The following SUGP2 variants were observed in gnomAD, a reference collection of about 807,000 sequenced individuals.
The protein encoded by SUGP2 is SURP and G-patch domain containing 2, also known as SURP and G-patch domain-containing protein 2.
A neutral mutation model predicts 90.5 loss-of-function variants in SUGP2; 24 were observed. That is an observed-to-expected ratio of 0.27 (90% confidence interval 0.19 to 0.37). SUGP2 has a LOEUF of 0.37. Among genes scored for constraint, SUGP2 ranks in the 10% least tolerant of loss-of-function variants. The pLI is 1.00. For synonymous variants in SUGP2, 473 were observed against 513.4 expected (o/e 0.92, Z 1.06); for missense variants, 1,233 against 1,363.3 (o/e 0.90, Z 1.51).
At chr19:18,996,429 T>A (rs987014383) in intron 8 of SUGP2, among the ~76,000 whole-genome samples, 5 of 150,700 alleles carry the variant, frequency 3.3e-5, no homozygotes, top group African/African-American at 1.0e-4. Context: ...GTGTGTGTTT[T>A]TTTTAAATAT....
Position 18,993,498 on chromosome 19 carries a change from C to T in SUGP2, c.*243G>A, listed in dbSNP as rs1303776463. 1 of 152,332 alleles carries T rather than the reference C, an allele frequency of 6.6e-6. No homozygotes were observed. The highest frequency in any genetic ancestry group is 1.5e-5 in the Non-Finnish European group (1 of 68,046). 9.4% of individuals were successfully genotyped at this position (152,332 alleles called of 1,614,324 possible). A position where few individuals can be genotyped will look rare whatever the true frequency, so the allele number is the denominator to read the frequency against. ...GGAACCAAGACAGATTTGGAGGGGA[C>T]TTGCTGCTAAAAGCATGTGAACAGA... is the stretch of plus-strand genomic sequence containing the variant. On this transcript the variant is annotated 3_prime_UTR_variant, in exon 11 of 11. Coordinates refer to ENST00000452918, the MANE Select transcript of SUGP2 (RefSeq NM_001017392.5).
chr19:19,016,788 T>C (rs934410572), intron 4 of SUGP2, among the ~76,000 whole-genome samples: 2 of 152,188 alleles, frequency 1.3e-5, no homozygotes, highest in Non-Finnish European at 2.9e-5. Context: ...GTAATGTGCT[T>C]AGAACAGTAC....
chr19:18,997,319 A>G (rs926675847), intron 8 of SUGP2, among the ~76,000 whole-genome samples: 20 of 150,840 alleles, frequency 1.3e-4, no homozygotes, highest in Non-Finnish European at 3.0e-5. Flanking sequence ...GAAGGGAGAG[A>G]GCAGGGCCTC....
At chr19:19,001,963 C>A (rs1480184066) in intron 7 of SUGP2, among the ~76,000 whole-genome samples, 1 of 152,172 alleles carries the variant, frequency 6.6e-6, no homozygotes. Flanking sequence ...AGAGTCCCCA[C>A]ATTTATAACA....
chr19:19,033,398 G>C, intron 1 of SUGP2, 39 bp downstream of exon 1: 1 of 1,275,036 alleles, frequency 7.8e-7, no homozygotes, highest in Non-Finnish European at 9.9e-7. Flanking sequence ...TTCCCACCCC[G>C]GGAGCCACCC....
chr19:19,011,070 G>A (rs746721242), intron 4 of SUGP2, among the ~76,000 whole-genome samples: 8 of 151,110 alleles, frequency 5.3e-5, no homozygotes, highest in Non-Finnish European at 8.8e-5. Flanking sequence ...CCAGGAAGTC[G>A]AGAGGCTGTG....
chr19:19,028,608 C>CT (rs2059022161), intron 2 of SUGP2, among the ~76,000 whole-genome samples: 4 of 152,176 alleles, frequency 2.6e-5, no homozygotes, highest in African/African-American at 9.7e-5. Context: ...CAGAGAAAGG[C>CT]TAAACGATAG....
intron 7 of SUGP2, chr19:19,003,368 G>A (rs2057923979): frequency 6.6e-6 from 1 of 152,392 alleles, no homozygotes; most frequent in Admixed American, 6.5e-5. Context: ...GCACGGTCCA[G>A]GCCTGACTGT....
chr19:19,030,445 C>T (rs939986225), intron 2 of SUGP2, among the ~76,000 whole-genome samples: 26 of 152,016 alleles, frequency 1.7e-4, no homozygotes, highest in Non-Finnish European at 2.8e-4. Flanking sequence ...AGCCAAGAGG[C>T]GGAGGTTGCA....
chr19:19,004,432 C>G lies in SUGP2; in HGVS notation c.2665G>C (p.Glu889Gln). 1.2e-6 allele frequency: 2 copies of G among 1,614,228 alleles called. No individual in the cohort carries two copies. The highest frequency in any genetic ancestry group is 1.7e-6 in the Non-Finnish European group (2 of 1,180,030). The change falls in exon 7 of 11, where the codon GAG (glutamate) becomes CAG (glutamine). Residue 889 changes from glutamate to glutamine, a missense_variant. Glu to Gln is a conservative substitution (Grantham distance 29, BLOSUM62 2). Transcript: ENST00000452918. ...PPREAELESP[E>Q]VMPEEEDEDD... The stretch of plus-strand genomic sequence containing the variant: ...TCGTCCTCCTCCTCAGGCATCACCT[C>G]TGGGCTCTCCAGCTCAGCCTCCCGC...
At chr19:18,995,090 AG>A in intron 9 of SUGP2, 53 bp downstream of exon 9, 1 of 1,591,578 alleles carries the variant, frequency 6.3e-7, no homozygotes, top group South Asian at 1.1e-5. Flanking sequence ...GGCAGGCTGC[AG>A]GTGGAAGGAC....
intron 3 of SUGP2, among the ~76,000 whole-genome samples, chr19:19,023,811 T>C (rs1413298172): frequency 6.6e-6 from 1 of 152,002 alleles, no homozygotes; most frequent in African/African-American, 2.4e-5. Flanking sequence ...GAAGGATCAC[T>C]TGAGCCTAGG....
In SUGP2 at chr19:19,025,578, G is replaced by A; in HGVS notation, c.770C>T (p.Thr257Ile). 6.2e-7 allele frequency: 1 copy of A among 1,614,076 alleles called. No homozygotes were observed. The highest frequency in any genetic ancestry group is 1.1e-5 in the South Asian group (1 of 91,064). ...AGTTTTGGGAGTAATACGATTCACG[G>A]TGGGTATTTTTTTTGTGCTCACATT... ...LRNVSTKKIP[T>I]VNRITPKTQG... The change falls in exon 3 of 11, where the codon ACC (threonine) becomes ATC (isoleucine). Residue 257 changes from threonine to isoleucine, a missense_variant. Thr to Ile is a moderately conservative substitution (Grantham distance 89). Around this residue, in one of 8 missense-constraint regions of SUGP2, gnomAD observed 418 missense variants for 399.9 expected, o/e 1.05. Transcript: ENST00000452918.
At chr19:19,024,283 G>A (rs1311021382) in intron 3 of SUGP2, among the ~76,000 whole-genome samples, 8 of 152,178 alleles carry the variant, frequency 5.3e-5, no homozygotes, top group Admixed American at 3.9e-4. Flanking sequence ...GCTAGTTTTT[G>A]TATTTTTAGT....
intron 3 of SUGP2, among the ~76,000 whole-genome samples, chr19:19,021,890 C>G (rs1251611061): frequency 2.0e-5 from 3 of 152,148 alleles, no homozygotes; most frequent in Non-Finnish European, 2.9e-5. Flanking sequence ...GTCTCGAACT[C>G]CTGACCTCAG....
At chr19:19,026,710 C>T (rs1599568911) in intron 2 of SUGP2, among the ~76,000 whole-genome samples, 1 of 152,210 alleles carries the variant, frequency 6.6e-6, no homozygotes, top group Admixed American at 6.5e-5. Context: ...TTTATTGAGG[C>T]TACCTGCCTT....
intron 10 of SUGP2, 112 bp downstream of exon 10, chr19:18,994,254 T>G: frequency 7.1e-7 from 1 of 1,409,728 alleles, no homozygotes; most frequent in Non-Finnish European, 9.8e-7. Context: ...ATTTTTTTTG[T>G]GTGTGGCATT....
rs559951102 is a variant in SUGP2 at position 18,999,711 on chromosome 19, C to T, written c.2991+1902G>A. Among the ~76,000 whole-genome samples the T allele has an allele frequency of 1.6e-4, 24 of 152,316 alleles. No homozygotes were observed. In the South Asian group the frequency reaches 4.1e-3, roughly 26 times the overall value. ...ATGGCACTGCCTGACACCAGCAGAG[C>T]GATCTCGCCTGGCTCCCCGCCCTCC... On this transcript the variant is annotated intron_variant, in intron 8 of 10. Coordinates refer to ENST00000452918, the MANE Select transcript of SUGP2 (RefSeq NM_001017392.5).
At chr19:19,001,558 CAACAAA>C in intron 8 of SUGP2, 49 bp downstream of exon 8, 2 of 1,575,012 alleles carry the variant, frequency 1.3e-6, no homozygotes, top group Non-Finnish European at 1.7e-6. Flanking sequence ...TTTGGAACTC[CAACAAA>C]TTCTAACCAA....
Sources: gnomAD v4.1 joint callset for allele counts (sites outside exome capture counted in the v4.1 genomes callset) on GRCh38, gnomAD v4.1.1 for gene constraint, gnomAD v4.1.1 regional missense constraint, MANE v1.5 for transcripts, NCBI Gene and HGNC (gene_info 2026-07-23, HGNC 2026-07-21) for gene names.